Variants in MECOM observed in about 807,000 individuals in gnomAD.
MECOM encodes histone-lysine N-methyltransferase MECOM.
In MECOM, 13 loss-of-function variants were observed where a neutral mutation model predicts 116.3. The ratio of observed to expected loss-of-function variants is 0.11; its 90% CI spans 0.07 to 0.18. The LOEUF is 0.18. MECOM is among the 10% of genes least tolerant of loss of function. MECOM has a pLI of 1.00. For missense variants in MECOM, 1,299 were observed against 1,509.0 expected, an observed-to-expected ratio of 0.86 and a Z score of 2.31; for synonymous variants, 528 against 535.2, an observed-to-expected ratio of 0.99 and a Z score of 0.19.
intron 2 of MECOM, among the ~76,000 whole-genome samples, chr3:169,302,985 G>C (rs1210804346): frequency 1.3e-5 from 2 of 152,206 alleles, no homozygotes; most frequent in South Asian, 2.1e-4. Context: ...TCCTCTTTCA[G>C]ATTATTTTCA....
At chr3:169,253,422 C>G (rs867848589) in intron 2 of MECOM, among the ~76,000 whole-genome samples, 33 of 147,004 alleles carry the variant, frequency 2.2e-4, no homozygotes, top group African/African-American at 8.1e-4. Flanking sequence ...TATTCGACTT[C>G]TTTTCCTAAA....
At chr3:169,361,449 A>G (rs1184912997) in intron 2 of MECOM, among the ~76,000 whole-genome samples, 2 of 151,872 alleles carry the variant, frequency 1.3e-5, no homozygotes, top group African/African-American at 2.4e-5. Context: ...GGATAAAAAG[A>G]GCACCCTTGA....
At chr3:169,575,423 G>C (rs1764377021) in intron 1 of MECOM, among the ~76,000 whole-genome samples, 2 of 152,142 alleles carry the variant, frequency 1.3e-5, no homozygotes, top group Non-Finnish European at 2.9e-5. Context: ...CCGAAGACTG[G>C]CAGAGAATGC....
At chr3:169,097,432 C>T (rs183331081) in intron 12 of MECOM, among the ~76,000 whole-genome samples, 8 of 152,154 alleles carry the variant, frequency 5.3e-5, no homozygotes, top group African/African-American at 1.9e-4. Context: ...GAACACATAA[C>T]ACAGTCATGG....
At chr3:169,141,979 T>C (rs1192542584) in intron 3 of MECOM, among the ~76,000 whole-genome samples, 3 of 151,976 alleles carry the variant, frequency 2.0e-5, no homozygotes, top group Non-Finnish European at 4.4e-5. Flanking sequence ...ATTCATTAAG[T>C]CATAAAACTG....
intron 1 of MECOM, among the ~76,000 whole-genome samples, chr3:169,391,059 A>G (rs1242604279): frequency 6.6e-6 from 1 of 152,196 alleles, no homozygotes; most frequent in Non-Finnish European, 1.5e-5. Context: ...GAGCTTTCTT[A>G]CAGCCAGGAG....
intron 1 of MECOM, among the ~76,000 whole-genome samples, chr3:169,509,681 T>C (rs949476268): frequency 6.6e-6 from 1 of 152,264 alleles, no homozygotes; most frequent in Non-Finnish European, 1.5e-5. Context: ...GTATCATGTG[T>C]CAGAATTTCT....
intron 2 of MECOM, among the ~76,000 whole-genome samples, chr3:169,278,707 T>C (rs761097837): frequency 6.6e-6 from 1 of 152,222 alleles, no homozygotes; most frequent in Non-Finnish European, 1.5e-5. Flanking sequence ...TAGAGCTGAA[T>C]AGTCAATGGA....
At chr3:169,294,442 G>A (rs975449369) in intron 2 of MECOM, among the ~76,000 whole-genome samples, 6 of 152,252 alleles carry the variant, frequency 3.9e-5, no homozygotes, top group Non-Finnish European at 5.9e-5. Context: ...CTGGCGTAAG[G>A]TCACAAACAA....
chr3:169,386,336 C>T (rs1020867997), intron 1 of MECOM, among the ~76,000 whole-genome samples: 1 of 152,128 alleles, frequency 6.6e-6, no homozygotes, highest in Non-Finnish European at 1.5e-5. Context: ...CTTCCATTTT[C>T]CAGATGTAGG....
chr3:169,534,318 T>TA (rs1560402506), intron 1 of MECOM, among the ~76,000 whole-genome samples: 2 of 152,166 alleles, frequency 1.3e-5, no homozygotes, highest in South Asian at 4.1e-4. Context: ...GATTTTTAAA[T>TA]AAAAAATTTG....
intron 2 of MECOM, among the ~76,000 whole-genome samples, chr3:169,378,512 A>AGC (rs1731723268): frequency 3.4e-5 from 1 of 29,818 alleles, no homozygotes; most frequent in South Asian, 1.1e-3. Flanking sequence ...AAAGAAAGAA[A>AGC]GAAAAGAAAG....
chr3:169,351,527 A>G (rs1370167407), intron 2 of MECOM, among the ~76,000 whole-genome samples: 1 of 151,948 alleles, frequency 6.6e-6, no homozygotes, highest in Admixed American at 6.6e-5. Context: ...AACCCAGTTA[A>G]TACCTAAAAT....
chr3:169,265,162 G>A (rs1243021066), intron 2 of MECOM, among the ~76,000 whole-genome samples: 1 of 152,110 alleles, frequency 6.6e-6, no homozygotes, highest in Admixed American at 6.6e-5. Context: ...GCATTGTTGA[G>A]TTATTCATTC....
At position 169,349,955 on chromosome 3, in the gene MECOM, A is replaced by G. The variant is rs371710953; in HGVS notation, c.375+31232T>C. ...GAGATACCAAAATAAATTGTTTATA[A>G]TGGCTACAATTCAATTAATATATCT... On this transcript the variant is annotated intron_variant, in intron 2 of 16. Coordinates refer to ENST00000651503, the MANE Select transcript of MECOM (RefSeq NM_004991.4). Among the ~76,000 whole-genome samples the G allele has an allele frequency of 4.6e-5, 7 of 152,114 alleles. No individual in the cohort carries two copies. In the South Asian group the frequency reaches 1.4e-3, roughly 32 times the overall value.
chr3:169,394,212 C>A lies in MECOM; in HGVS notation c.38-12688G>T, dbSNP rs77413983. 2.1e-3 allele frequency among the ~76,000 whole-genome samples: 318 copies of A among 152,226 alleles called. 9 individuals are homozygous for A. In the East Asian group the frequency reaches 0.055, roughly 26 times the overall value. ...CCAACATATGCCACAAAACATTAAT[C>A]ATTTAGCCAACAAGACTTCTACATG... On this transcript the variant is annotated intron_variant, in intron 1 of 16. Transcript: ENST00000651503.
chr3:169,111,422 G>C (rs1329804144), intron 9 of MECOM, among the ~76,000 whole-genome samples: 2 of 152,134 alleles, frequency 1.3e-5, no homozygotes, highest in Admixed American at 1.3e-4. Context: ...AGTATCAAGA[G>C]AGATGTACTT....
At chr3:169,380,127 G>T (rs1732150115) in intron 2 of MECOM, among the ~76,000 whole-genome samples, 1 of 152,072 alleles carries the variant, frequency 6.6e-6, no homozygotes, top group African/African-American at 2.4e-5. Flanking sequence ...AGTCCTGAAG[G>T]CACTGAATAT....
chr3:169,564,409 AC>A (rs758070786), intron 1 of MECOM, among the ~76,000 whole-genome samples: 6 of 152,208 alleles, frequency 3.9e-5, no homozygotes, highest in Non-Finnish European at 7.3e-5. Context: ...TTAAAGAAAA[AC>A]AATGCACATA....
Sources: allele counts gnomAD v4.1 joint callset (sites outside exome capture counted in the v4.1 genomes callset), GRCh38; gene constraint gnomAD v4.1.1; transcripts MANE v1.5; gene names NCBI Gene and HGNC (gene_info 2026-07-23, HGNC 2026-07-21).